Variants in CCDC88C observed in about 807,000 individuals in gnomAD.
The protein encoded by CCDC88C is coiled-coil and HOOK domain protein 88C.
Under a neutral mutation model 198.8 loss-of-function variants are expected in CCDC88C, and 131 were observed. That is an observed-to-expected ratio of 0.66 (90% CI 0.57 to 0.76). The LOEUF (loss-of-function observed/expected upper bound fraction) is 0.76. Ranked by LOEUF, CCDC88C falls within the 30% of genes least tolerant of loss-of-function variation. The probability of loss-of-function intolerance (pLI) is 0.00; values close to 1 mark genes in which losing one functional copy is unlikely to be tolerated. For missense variants in CCDC88C, 2,553 were observed against 2,631.6 expected (o/e 0.97, Z 0.65); for synonymous variants, 1,166 against 1,114.7 (o/e 1.05, Z -0.92).
intron 3 of CCDC88C, among the ~76,000 whole-genome samples, chr14:91,394,573 T>C (rs879523699): frequency 4.6e-5 from 7 of 152,238 alleles, no homozygotes; most frequent in Admixed American, 1.3e-4. Context: ...CTCCACTGAA[T>C]GGTGGCCTCC....
chr14:91,361,444 G>A lies in CCDC88C; in HGVS notation c.271-1733C>T, dbSNP rs1033813481. ...GAACGGGGGCCGAGGCCGCATGCCAGGAGAGGCCAGCACCTGCAGAGAACA... is the reference window on the plus strand; with the variant it reads ...GAACGGGGGCCGAGGCCGCATGCCAAGAGAGGCCAGCACCTGCAGAGAACA... On this transcript the variant is annotated intron_variant, in intron 3 of 29. Coordinates refer to ENST00000389857, the MANE Select transcript of CCDC88C (RefSeq NM_001080414.4). 1.1e-4 allele frequency among the ~76,000 whole-genome samples: 17 copies of A among 152,198 alleles called. 1 individual carries two copies. Among genetic ancestry groups the A allele is most frequent in the Non-Finnish European group, 2.9e-5 (2 of 68,050 alleles).
At chr14:91,372,434 C>T (rs11624569) in intron 3 of CCDC88C, among the ~76,000 whole-genome samples, 39,312 of 149,518 alleles carry the variant, frequency 0.26, 5,868 homozygotes, top group East Asian at 0.32. Context: ...CAGAGGAGAG[C>T]GGGGAATCCA....
chr14:91,312,992 G>C, intron 15 of CCDC88C, 88 bp downstream of exon 15: 4 of 1,003,858 alleles, frequency 4.0e-6, no homozygotes, highest in Non-Finnish European at 5.8e-6. Context: ...AGGACACAGA[G>C]TCTTATTTCT....
Position 91,279,230 on chromosome 14 carries a change from A to G in CCDC88C, c.4768+8T>C. 6.3e-7 allele frequency: 1 copy of G among 1,585,300 alleles called. No homozygotes were observed. The highest frequency in any genetic ancestry group is 8.6e-7 in the Non-Finnish European group (1 of 1,163,548). ...ATTTTTAAAAGTACACAGAAGCACA[A>G]GACTTACCTTTTAGGTTAAGAGGTG... On this transcript the variant is annotated splice_region_variant and intron_variant, in intron 28 of 29. Coordinates refer to ENST00000389857, the MANE Select transcript of CCDC88C (RefSeq NM_001080414.4).
intron 3 of CCDC88C, among the ~76,000 whole-genome samples, chr14:91,391,947 C>A (rs1409008416): frequency 6.6e-6 from 1 of 151,950 alleles, no homozygotes; most frequent in Admixed American, 6.6e-5. Flanking sequence ...TGCTCTGTCG[C>A]CCAGGCTGGA....
chr14:91,289,229 G>C lies in CCDC88C; in HGVS notation c.4317C>G (p.Ser1439=). The change falls in exon 25 of 30, where the codon TCC becomes TCG. Residue 1439 remains serine (S), a synonymous_variant. Coordinates refer to ENST00000389857, the MANE Select transcript of CCDC88C (RefSeq NM_001080414.4). ...AGGCCGCCGGCGAGGCGGGGTCTGA[G>C]GACTCCAGCTGCCAGGGAGGGCTGT... is the stretch of plus-strand genomic sequence containing the variant. ...TVDSPPWQLE[S]SDPASPAASQ... The C allele has an allele frequency of 6.2e-7, 1 of 1,614,070 alleles. No homozygotes were observed. Among genetic ancestry groups the C allele is most frequent in the Non-Finnish European group, 8.5e-7 (1 of 1,179,904 alleles).
At chr14:91,304,021 C>A (rs1392742608) in intron 19 of CCDC88C, 43 bp from the exon 20 acceptor site, 6 of 1,578,594 alleles carry the variant, frequency 3.8e-6, no homozygotes, top group South Asian at 3.3e-5. Context: ...GCCCCACAGT[C>A]AGCGAGGAGG....
rs376294364 is a variant in CCDC88C, at chr14:91,278,106, C to T, written c.4874G>A (p.Arg1625His). 1.9e-5 allele frequency: 31 copies of T among 1,612,870 alleles called. No individual in the cohort carries two copies. Among genetic ancestry groups the T allele is most frequent in the African/African-American group, 2.7e-5 (2 of 74,934 alleles). Residue 1625 changes from arginine to histidine, a missense_variant, in exon 29 of 30, where the codon CGC becomes CAC. Coordinates refer to ENST00000389857, the MANE Select transcript of CCDC88C (RefSeq NM_001080414.4). ...TLPREASTPG[R>H]NALGRHEYPL... ...GTACTCGTGGCGGCCGAGGGCGTTGCGTCCCGGTGTGCTGGCTTCCCGGGG... is the reference window on the plus strand; with the variant it reads ...GTACTCGTGGCGGCCGAGGGCGTTGTGTCCCGGTGTGCTGGCTTCCCGGGG...
At chr14:91,318,967 T>A (rs572217751) in intron 13 of CCDC88C, among the ~76,000 whole-genome samples, 1 of 148,058 alleles carries the variant, frequency 6.8e-6, no homozygotes, top group Admixed American at 6.7e-5. Flanking sequence ...GACCCAGGTG[T>A]CCTGCCACAG....
At chr14:91,340,456 G>A (rs1204955346) in intron 6 of CCDC88C, among the ~76,000 whole-genome samples, 3 of 152,180 alleles carry the variant, frequency 2.0e-5, no homozygotes, top group African/African-American at 7.2e-5. Flanking sequence ...TGTGTACAAA[G>A]CAATCTTGGG....
intron 3 of CCDC88C, among the ~76,000 whole-genome samples, chr14:91,401,299 TATA>T (rs1004436015): frequency 7.3e-6 from 1 of 136,278 alleles, no homozygotes; most frequent in African/African-American, 2.8e-5. Flanking sequence ...CATTATATAT[TATA>T]ATGTATATAT....
intron 1 of CCDC88C, 76 bp downstream of exon 1, chr14:91,417,555 G>A: frequency 7.1e-7 from 1 of 1,407,168 alleles, no homozygotes; most frequent in Admixed American, 2.0e-5. Flanking sequence ...GGCCGTGTCG[G>A]GTCTGCGGCG....
intron 13 of CCDC88C, among the ~76,000 whole-genome samples, chr14:91,317,509 A>C (rs1892151568): frequency 1.3e-5 from 2 of 152,166 alleles, no homozygotes; most frequent in Non-Finnish European, 2.9e-5. Context: ...GCTGGCGAGC[A>C]CCCTCTACGT....
chr14:91,302,910 G>C (rs996707158), intron 20 of CCDC88C, among the ~76,000 whole-genome samples: 1 of 152,168 alleles, frequency 6.6e-6, no homozygotes, highest in Non-Finnish European at 1.5e-5. Flanking sequence ...AGAGACAGAA[G>C]AGAACCCTTA....
At chr14:91,385,626 T>C (rs1885086318) in intron 3 of CCDC88C, among the ~76,000 whole-genome samples, 1 of 152,140 alleles carries the variant, frequency 6.6e-6, no homozygotes, top group Non-Finnish European at 1.5e-5. Context: ...TCTTTGGTAG[T>C]CCAGGGTGTG....
chr14:91,339,203 C>T lies in CCDC88C; in HGVS notation c.809+75G>A. On this transcript the variant is annotated intron_variant, in intron 8 of 29. Transcript: ENST00000389857. This position sits in a 1 kb window ranked among gnomAD's most constrained non-coding sequence, Gnocchi z 5.8. ...CAGAGCTGTGCCATTGGCAGCACCA[C>T]ACATGTGAGTCGACACCACACCAGA... The T allele has an allele frequency of 1.3e-6, 2 of 1,541,906 alleles. No homozygotes were observed. The highest frequency in any genetic ancestry group is 1.4e-5 in the African/African-American group (1 of 73,648).
chr14:91,310,090 G>C, intron 15 of CCDC88C, 104 bp from the exon 16 acceptor site: 4 of 1,219,314 alleles, frequency 3.3e-6, no homozygotes, highest in Non-Finnish European at 4.4e-6. Flanking sequence ...CCCGGGCCAC[G>C]GCTGCCTCCG....
At chr14:91,417,194 C>G (rs1887109724) in intron 1 of CCDC88C, 2 of 703,062 alleles carry the variant, frequency 2.8e-6, no homozygotes, top group Non-Finnish European at 5.2e-6. Flanking sequence ...CGGCGCCCCC[C>G]ATTCCCCACC....
intron 3 of CCDC88C, among the ~76,000 whole-genome samples, chr14:91,365,560 G>A (rs534774764): frequency 3.9e-5 from 6 of 152,172 alleles, no homozygotes; most frequent in East Asian, 1.9e-4. Flanking sequence ...CGTTCGCCAC[G>A]GGCTCAATGT....
Sources: gnomAD v4.1 joint callset for allele counts (sites outside exome capture counted in the v4.1 genomes callset) on GRCh38, gnomAD v4.1.1 for gene constraint, Gnocchi (gnomAD v3.1) non-coding constraint, MANE v1.5 for transcripts, NCBI Gene and HGNC (gene_info 2026-07-23, HGNC 2026-07-21) for gene names.